Variants in KAZN observed in about 807,000 individuals in gnomAD.
KAZN encodes the protein kazrin.
KAZN carries 40 observed loss-of-function variants against 87.4 expected under a neutral mutation model. The ratio of observed to expected loss-of-function variants is 0.46; its 90% CI spans 0.36 to 0.60. The LOEUF (loss-of-function observed/expected upper bound fraction) is 0.60. Ranked by LOEUF, KAZN falls within the 20% of genes least tolerant of loss-of-function variation. The pLI, the probability that KAZN is intolerant of heterozygous loss-of-function variation, is 0.00. For missense variants in KAZN, 898 were observed against 1,073.9 expected, an observed-to-expected ratio of 0.84 and a Z score of 2.29; for synonymous variants, 466 against 458.3, an observed-to-expected ratio of 1.02 and a Z score of -0.22.
At chr1:14,180,860 G>T (rs1326301979) in intron 2 of KAZN, among the ~76,000 whole-genome samples, 1 of 152,164 alleles carries the variant, frequency 6.6e-6, no homozygotes, top group Non-Finnish European at 1.5e-5. Flanking sequence ...ATTAGCCTTG[G>T]AAAAGTGAAA....
At chr1:13,940,592 A>C (rs1570339633) in intron 1 of KAZN, among the ~76,000 whole-genome samples, 1 of 152,338 alleles carries the variant, frequency 6.6e-6, no homozygotes, top group East Asian at 1.9e-4. Context: ...AGAATACATA[A>C]AAAAGAATCA....
intron 2 of KAZN, 72 bp downstream of exon 2, chr1:14,960,947 AG>A: frequency 6.8e-7 from 1 of 1,462,600 alleles, no homozygotes. Context: ...CTCCCCATGC[AG>A]GGGAAGTGAC....
At chr1:14,908,683 C>T (rs140540870) in intron 1 of KAZN, among the ~76,000 whole-genome samples, 201 of 152,156 alleles carry the variant, frequency 1.3e-3, no homozygotes, top group African/African-American at 4.5e-3. Context: ...TGCCACTCCT[C>T]TCCAGTCTGG....
intron 2 of KAZN, among the ~76,000 whole-genome samples, chr1:14,475,226 T>G (rs1017371488): frequency 6.6e-6 from 1 of 152,308 alleles, no homozygotes; most frequent in African/African-American, 2.4e-5. Context: ...TAGAAAATGC[T>G]TATTAAATTC....
At chr1:14,791,519 C>G (rs1645673885) in intron 1 of KAZN, among the ~76,000 whole-genome samples, 1 of 152,238 alleles carries the variant, frequency 6.6e-6, no homozygotes, top group Non-Finnish European at 1.5e-5. Context: ...TGCAAGCCCC[C>G]AGTCTCTGGT....
At chr1:14,836,008 A>G (rs1163972810) in intron 1 of KAZN, among the ~76,000 whole-genome samples, 1 of 152,224 alleles carries the variant, frequency 6.6e-6, no homozygotes, top group Non-Finnish European at 1.5e-5. Context: ...TGGGGATCTC[A>G]TTAGGCAAAC....
intron 1 of KAZN, among the ~76,000 whole-genome samples, chr1:14,889,379 T>C (rs1354172261): frequency 1.3e-5 from 2 of 152,196 alleles, no homozygotes; most frequent in African/African-American, 2.4e-5. Context: ...TAATGGAAAG[T>C]ATAAAGCAGT....
At chr1:15,060,047 T>C in intron 5 of KAZN, 125 bp from the exon 6 acceptor site, 1 of 1,291,378 alleles carries the variant, frequency 7.7e-7, no homozygotes, top group South Asian at 1.4e-5. Context: ...GGCAAGTCTC[T>C]TCCCTTCTCT....
In KAZN at chr1:15,094,207, G is replaced by C. The variant is rs773377392; in HGVS notation, c.1250G>C (p.Arg417Pro). The C allele has an allele frequency of 1.9e-6, 3 of 1,613,644 alleles. No individual in the cohort carries two copies. The highest frequency in any genetic ancestry group is 2.5e-6 in the Non-Finnish European group (3 of 1,179,884). Residue 417 changes from arginine (R) to proline (P), a missense_variant, in exon 9 of 15, where the codon CGG (arginine) becomes CCG (proline). Physicochemically the swap from Arg to Pro is moderately radical, Grantham distance 103. This residue lies in a region of KAZN where 521 missense variants were observed against 689.4 expected (regional missense o/e 0.76). Coordinates refer to ENST00000376030, the MANE Select transcript of KAZN (RefSeq NM_201628.3). This position sits in a 1 kb window ranked among gnomAD's most constrained non-coding sequence, Gnocchi z 4.5. ...DDSDSQCSPT[R>P]QSLSLSEGEE... ...TCGGACAGCCAGTGCAGCCCCACGCGGCAGAGCCTCAGCCTGTCGGAAGGC... is the reference window on the plus strand; with the variant it reads ...TCGGACAGCCAGTGCAGCCCCACGCCGCAGAGCCTCAGCCTGTCGGAAGGC...
At chr1:14,989,893 G>A (rs1667184984) in intron 2 of KAZN, among the ~76,000 whole-genome samples, 1 of 152,252 alleles carries the variant, frequency 6.6e-6, no homozygotes, top group Non-Finnish European at 1.5e-5. Flanking sequence ...GGTGCTGGCT[G>A]CAGAAGGCGC....
intron 1 of KAZN, among the ~76,000 whole-genome samples, chr1:14,067,065 C>T (rs922332364): frequency 1.6e-4 from 24 of 152,104 alleles, no homozygotes; most frequent in African/African-American, 5.3e-4. Flanking sequence ...GTTCTGTTTC[C>T]TCTGTATCAC....
chr1:14,965,228 C>T (rs1664324272), intron 2 of KAZN, among the ~76,000 whole-genome samples: 1 of 152,004 alleles, frequency 6.6e-6, no homozygotes, highest in African/African-American at 2.4e-5. Flanking sequence ...CCATGTTGCT[C>T]AGGCTGGTCT....
At chr1:14,497,939 T>C (rs542370384) in intron 2 of KAZN, among the ~76,000 whole-genome samples, 1 of 152,354 alleles carries the variant, frequency 6.6e-6, no homozygotes, top group Admixed American at 6.5e-5. Flanking sequence ...GTAACATATT[T>C]TAATGACTTC....
chr1:14,403,981 G>T (rs191946988), intron 2 of KAZN, among the ~76,000 whole-genome samples: 1 of 152,172 alleles, frequency 6.6e-6, no homozygotes, highest in Non-Finnish European at 1.5e-5. Flanking sequence ...AGTGAAATGC[G>T]TAAGGTTTTA....
At chr1:14,420,197 C>T (rs2101303590) in intron 2 of KAZN, among the ~76,000 whole-genome samples, 1 of 152,282 alleles carries the variant, frequency 6.6e-6, no homozygotes, top group African/African-American at 2.4e-5. Context: ...GGTGCGTTTA[C>T]AAACCTTGAG....
intron 2 of KAZN, among the ~76,000 whole-genome samples, chr1:14,554,668 T>C (rs1291202701): frequency 6.6e-6 from 1 of 152,212 alleles, no homozygotes; most frequent in Non-Finnish European, 1.5e-5. Context: ...AATCCGGTAC[T>C]TGACATCTCT....
chr1:14,998,641 C>G (rs1437214083), intron 2 of KAZN, among the ~76,000 whole-genome samples: 1 of 152,130 alleles, frequency 6.6e-6, no homozygotes, highest in South Asian at 2.1e-4. Context: ...CTCTGCCTCC[C>G]GTGTTCAAGC....
chr1:14,004,258 C>G (rs1451677822), intron 1 of KAZN, among the ~76,000 whole-genome samples: 3 of 152,136 alleles, frequency 2.0e-5, no homozygotes, highest in Non-Finnish European at 4.4e-5. Context: ...CCAAAACAAT[C>G]ATATATTGCT....
chr1:14,187,562 A>G (rs930601602), intron 2 of KAZN, among the ~76,000 whole-genome samples: 1 of 152,174 alleles, frequency 6.6e-6, no homozygotes, highest in African/African-American at 2.4e-5. Flanking sequence ...CCCAGCTGAG[A>G]AGGAAGCAGA....
Sources: allele counts gnomAD v4.1 joint callset (sites outside exome capture counted in the v4.1 genomes callset), GRCh38; gene constraint gnomAD v4.1.1; regional missense constraint gnomAD v4.1.1; non-coding constraint Gnocchi (gnomAD v3.1); transcripts MANE v1.5; gene names NCBI Gene and HGNC (gene_info 2026-07-23, HGNC 2026-07-21).